KCNK2: variants seen among roughly 807,000 people sequenced by gnomAD.
KCNK2 encodes the protein potassium channel subfamily K member 2.
Under a neutral mutation model 40.5 loss-of-function variants are expected in KCNK2, and 21 were observed. That is an observed-to-expected ratio of 0.52 (90% CI 0.37 to 0.75). The LOEUF (loss-of-function observed/expected upper bound fraction) is 0.75. KCNK2 is among the 30% of genes least tolerant of loss of function. The pLI is 0.00. For synonymous variants in KCNK2, 191 were observed against 202.2 expected, an observed-to-expected ratio of 0.94 and a Z score of 0.47; for missense variants, 399 against 531.6, an observed-to-expected ratio of 0.75 and a Z score of 2.45.
At chr1:215,195,650 TACA>T (rs1327982419) in intron 6 of KCNK2, among the ~76,000 whole-genome samples, 1 of 152,204 alleles carries the variant, frequency 6.6e-6, no homozygotes, top group Admixed American at 6.5e-5. Flanking sequence ...ACTTATCTTA[TACA>T]ACTAAACATA....
chr1:215,204,037 C>CAAAAAAAAAAAAAAAAAAA (rs71167813), intron 6 of KCNK2, among the ~76,000 whole-genome samples: 2 of 53,186 alleles, frequency 3.8e-5, no homozygotes, highest in African/African-American at 2.2e-4. Flanking sequence ...GACTCCGTCT[C>CAAAAAAAAAAAAAAAAAAA]AAAAAAAAAA....
At chr1:215,092,743 A>T (rs1247313998) in intron 2 of KCNK2, among the ~76,000 whole-genome samples, 1 of 152,158 alleles carries the variant, frequency 6.6e-6, no homozygotes, top group Non-Finnish European at 1.5e-5. Context: ...TTCCAGCGAC[A>T]TAGCTCCCCA....
intron 2 of KCNK2, among the ~76,000 whole-genome samples, chr1:215,106,090 T>C (rs1272830541): frequency 1.3e-5 from 2 of 152,144 alleles, no homozygotes; most frequent in South Asian, 2.1e-4. Context: ...ATTATTTTCC[T>C]TTGGGTAAAT....
chr1:215,223,241 T>TAAAGAAAAAAA (rs1666252030), intron 6 of KCNK2, among the ~76,000 whole-genome samples: 1 of 112,054 alleles, frequency 8.9e-6, no homozygotes, highest in Non-Finnish European at 1.8e-5. Flanking sequence ...AGCTCTTTTC[T>TAAAGAAAAAAA]AAAAAAAAAA....
At chr1:215,144,239 C>T (rs939267652) in intron 3 of KCNK2, among the ~76,000 whole-genome samples, 10 of 151,934 alleles carry the variant, frequency 6.6e-5, no homozygotes, top group African/African-American at 1.9e-4. Flanking sequence ...ACATGGGAGC[C>T]GAATCCCATA....
chr1:215,162,218 T>C (rs1663231250), intron 3 of KCNK2, among the ~76,000 whole-genome samples: 1 of 152,258 alleles, frequency 6.6e-6, no homozygotes, highest in Non-Finnish European at 1.5e-5. Flanking sequence ...TACATAAATG[T>C]CTTCTTTTGA....
intron 6 of KCNK2, among the ~76,000 whole-genome samples, chr1:215,223,808 C>T (rs1666279419): frequency 6.6e-6 from 1 of 151,828 alleles, no homozygotes; most frequent in Non-Finnish European, 1.5e-5. Context: ...TATTCATGAC[C>T]AGAAATCAAA....
chr1:215,234,495 GT>G (rs1335719506), intron 6 of KCNK2, among the ~76,000 whole-genome samples: 2 of 152,046 alleles, frequency 1.3e-5, no homozygotes, highest in African/African-American at 4.8e-5. Context: ...TACTAAAAAT[GT>G]TTTTTAAAAG....
chr1:215,043,329 A>G (rs72731088), intron 1 of KCNK2, among the ~76,000 whole-genome samples: 6,728 of 152,312 alleles, frequency 0.044, 224 homozygotes, highest in Middle Eastern at 0.095. Flanking sequence ...GCAGGGACTC[A>G]AACAGATATT....
chr1:215,176,866 G>T (rs1417375807), intron 5 of KCNK2, among the ~76,000 whole-genome samples: 1 of 152,160 alleles, frequency 6.6e-6, no homozygotes, highest in Non-Finnish European at 1.5e-5. Flanking sequence ...TAATGGGATT[G>T]CTGGGCCCAG....
intron 3 of KCNK2, among the ~76,000 whole-genome samples, chr1:215,168,258 A>T (rs1158027132): frequency 6.6e-6 from 1 of 152,208 alleles, no homozygotes; most frequent in African/African-American, 2.4e-5. Flanking sequence ...TGTTGGTGGA[A>T]ATGTAAATTA....
At chr1:215,141,015 G>A (rs977340566) in intron 3 of KCNK2, among the ~76,000 whole-genome samples, 2 of 150,560 alleles carry the variant, frequency 1.3e-5, no homozygotes, top group East Asian at 1.9e-4. Flanking sequence ...CAATATTTTT[G>A]TTAAAAGCCA....
intron 3 of KCNK2, among the ~76,000 whole-genome samples, chr1:215,137,255 C>A (rs1224175639): frequency 6.6e-6 from 1 of 152,130 alleles, no homozygotes; most frequent in Non-Finnish European, 1.5e-5. Flanking sequence ...AACATTCAAA[C>A]TATTTAGGAA....
chr1:215,187,532 C>T (rs1490667294), intron 5 of KCNK2, among the ~76,000 whole-genome samples: 1 of 140,630 alleles, frequency 7.1e-6, no homozygotes, highest in Non-Finnish European at 1.5e-5. Context: ...TACAAAGGTC[C>T]AAGACTTAAA....
At chr1:215,093,376 AATATAC>A (rs1218981236) in intron 2 of KCNK2, among the ~76,000 whole-genome samples, 1 of 139,464 alleles carries the variant, frequency 7.2e-6, no homozygotes, top group Non-Finnish European at 1.5e-5. Flanking sequence ...TTATATATAA[AATATAC>A]ATATAATATA....
chr1:215,177,304 T>TGTC (rs1664018124), intron 5 of KCNK2, among the ~76,000 whole-genome samples: 1 of 152,150 alleles, frequency 6.6e-6, no homozygotes, highest in Non-Finnish European at 1.5e-5. Context: ...TTCTATAGGT[T>TGTC]GTCTGTTTAC....
chr1:215,125,653 G>T (rs917013406), intron 3 of KCNK2, among the ~76,000 whole-genome samples: 33 of 150,856 alleles, frequency 2.2e-4, no homozygotes, highest in Non-Finnish European at 4.6e-4. Flanking sequence ...TGAGTTAATG[G>T]GTGCAGCACA....
chr1:215,011,624 G>T (rs1380002743), intron 1 of KCNK2, among the ~76,000 whole-genome samples: 1 of 128,816 alleles, frequency 7.8e-6, no homozygotes, highest in Admixed American at 8.0e-5. Context: ...TTTATTTTTT[G>T]AGATGGAGTC....
At chr1:215,125,115 G>A (rs1339518704) in intron 3 of KCNK2, among the ~76,000 whole-genome samples, 2 of 151,976 alleles carry the variant, frequency 1.3e-5, no homozygotes, top group African/African-American at 4.8e-5. Context: ...TTCTTTTCAT[G>A]GAAGTTCTTA....
Sources: gnomAD v4.1 joint callset for allele counts (sites outside exome capture counted in the v4.1 genomes callset) on GRCh38, gnomAD v4.1.1 for gene constraint, MANE v1.5 for transcripts, NCBI Gene and HGNC (gene_info 2026-07-23, HGNC 2026-07-21) for gene names.